Variants in TANK observed in about 807,000 individuals in gnomAD.
TANK encodes TRAF family member associated NFKB activator.
In TANK, 15 loss-of-function variants were observed where a neutral mutation model predicts 43.6. That is an observed-to-expected ratio of 0.34 (90% confidence interval 0.23 to 0.53). The LOEUF is 0.53. Ranked by LOEUF, TANK falls within the 20% of genes least tolerant of loss-of-function variation. The pLI is 0.94. For synonymous variants in TANK, 162 were observed against 178.2 expected (o/e 0.91, Z 0.73); for missense variants, 417 against 498.6 (o/e 0.84, Z 1.56).
At chr2:161,215,186 C>T (rs1216629303) in intron 4 of TANK, among the ~76,000 whole-genome samples, 1 of 152,100 alleles carries the variant, frequency 6.6e-6, no homozygotes, top group South Asian at 2.1e-4. Flanking sequence ...GGATCCTGGA[C>T]CATATTTTGA....
chr2:161,147,621 T>C (rs1227345763), intron 1 of TANK, among the ~76,000 whole-genome samples: 2 of 152,154 alleles, frequency 1.3e-5, no homozygotes, highest in Non-Finnish European at 2.9e-5. Context: ...TCTTCCTTCC[T>C]CTCCGAGGGT....
Position 161,194,899 on chromosome 2 carries a change from G to A in TANK, c.100-8588G>A, listed in dbSNP as rs2161845. ...TATACTCTATCCAAAGTGTTGATGG[G>A]GTAAAGCAGTTCATTCTGGTTTTTT... On this transcript the variant is annotated intron_variant, in intron 2 of 7. Coordinates refer to ENST00000392749, the MANE Select transcript of TANK (RefSeq NM_001199135.3). 3.5e-3 allele frequency among the ~76,000 whole-genome samples: 538 copies of A among 151,928 alleles called. 9 individuals carry two copies. Among genetic ancestry groups the A allele is most frequent in the South Asian group, 0.02 (95 of 4,818 alleles).
At chr2:161,180,071 C>A in intron 2 of TANK, 2 of 1,024,956 alleles carry the variant, frequency 2.0e-6, no homozygotes, top group Non-Finnish European at 2.3e-6. Context: ...ACTATAAAAA[C>A]AGTTTTATGA....
intron 4 of TANK, chr2:161,207,676 GGCCTA>G (rs1195045900): frequency 1.2e-5 from 12 of 985,130 alleles, no homozygotes; most frequent in African/African-American, 1.7e-5. Flanking sequence ...ATGTTCCATT[GGCCTA>G]TGTGTTGATC....
At chr2:161,160,752 G>A (rs758985172) in intron 1 of TANK, 1 of 564,870 alleles carries the variant, frequency 1.8e-6, no homozygotes, top group Non-Finnish European at 3.4e-6. Flanking sequence ...CTGCCCCAAC[G>A]GCTTCAAGGG....
intron 7 of TANK, among the ~76,000 whole-genome samples, chr2:161,235,120 C>T (rs987835834): frequency 6.6e-6 from 1 of 152,144 alleles, no homozygotes; most frequent in African/African-American, 2.4e-5. Context: ...AAATGCATGA[C>T]TGTGTGTGTC....
intron 1 of TANK, among the ~76,000 whole-genome samples, chr2:161,154,163 T>G (rs1042493097): frequency 6.6e-6 from 1 of 152,174 alleles, no homozygotes; most frequent in Non-Finnish European, 1.5e-5. Flanking sequence ...GCCCACAGTC[T>G]TAACCTAGAA....
chr2:161,181,745 T>C (rs1442137572), intron 2 of TANK, among the ~76,000 whole-genome samples: 4 of 152,074 alleles, frequency 2.6e-5, no homozygotes, highest in African/African-American at 9.7e-5. Flanking sequence ...CCCCCAATAT[T>C]GGGAATTAAA....
rs1456835783 is a variant in TANK at position 161,179,826 on chromosome 2, A to C, written c.99+65A>C. 3 of 1,533,082 alleles carry C rather than the reference A, an allele frequency of 2.0e-6. No homozygotes were observed. In the African/African-American group the frequency reaches 4.2e-5, roughly 21 times the overall value. The allele number at this position is 1,533,082 out of a possible 1,614,324, so 95.0% of individuals were successfully genotyped here. On this transcript the variant is annotated intron_variant, in intron 2 of 7. Coordinates refer to ENST00000392749, the MANE Select transcript of TANK (RefSeq NM_001199135.3). ...TACATGGAATTTTAGAGCCTTTTGC[A>C]TCTGAAAAATGTTATATTGTTAGAA...
At chr2:161,234,225 C>T (rs1419938154) in intron 7 of TANK, among the ~76,000 whole-genome samples, 1 of 152,096 alleles carries the variant, frequency 6.6e-6, no homozygotes, top group East Asian at 1.9e-4. Flanking sequence ...GATTGGTTAA[C>T]CAGAATGAAA....
chr2:161,186,720 ACAAT>A (rs1392689896), intron 2 of TANK, among the ~76,000 whole-genome samples: 2 of 152,248 alleles, frequency 1.3e-5, no homozygotes, highest in African/African-American at 2.4e-5. Context: ...AACAAAAGAA[ACAAT>A]CAACAAAGTA....
upstream of TANK, among the ~76,000 whole-genome samples, chr2:161,158,145 G>A (rs1485753869): frequency 2.0e-5 from 3 of 152,202 alleles, no homozygotes; most frequent in African/African-American, 7.2e-5. Flanking sequence ...CTCCCAAAGT[G>A]TTAGGATTAT....
intron 1 of TANK, among the ~76,000 whole-genome samples, chr2:161,145,535 G>A (rs1683885950): frequency 6.6e-6 from 1 of 151,828 alleles, no homozygotes. Flanking sequence ...GCCAGGTAGT[G>A]ATGAAATCCC....
At chr2:161,166,052 G>A (rs1684665179) in intron 1 of TANK, among the ~76,000 whole-genome samples, 1 of 152,218 alleles carries the variant, frequency 6.6e-6, no homozygotes, top group Non-Finnish European at 1.5e-5. Context: ...AAATCTTTTA[G>A]CTCTTGCAAG....
At position 161,230,833 on chromosome 2, in the gene TANK, A is replaced by G. The variant is rs2105405785; in HGVS notation, c.521-138A>G. 4.3e-6 allele frequency: 3 copies of G among 701,804 alleles called. 1 individual carries two copies. Among genetic ancestry groups the G allele is most frequent in the Non-Finnish European group, 7.1e-6 (3 of 420,584 alleles). The allele number at this position is 701,804 out of a possible 1,614,324, so 43.5% of individuals were successfully genotyped here. A position where few individuals can be genotyped will look rare whatever the true frequency, so the allele number is the denominator to read the frequency against. On this transcript the variant is annotated intron_variant, in intron 6 of 7. Transcript: ENST00000392749. ...TAATATTCTGTGTAAGATGGTAGCA[A>G]ATTTTAAAATCCCAGTTGTCTTCAT...
At chr2:161,169,783 A>G (rs1684861718) in intron 1 of TANK, among the ~76,000 whole-genome samples, 1 of 152,186 alleles carries the variant, frequency 6.6e-6, no homozygotes, top group Non-Finnish European at 1.5e-5. Flanking sequence ...ACCTAGGTTT[A>G]TCTGGTTCTT....
At chr2:161,205,198 C>T (rs549160354) in intron 4 of TANK, among the ~76,000 whole-genome samples, 22 of 152,038 alleles carry the variant, frequency 1.4e-4, no homozygotes, top group Non-Finnish European at 2.8e-4. Flanking sequence ...GAATGGCACA[C>T]GCCTGCAGTC....
At chr2:161,152,204 C>A (rs1431529827) in intron 1 of TANK, among the ~76,000 whole-genome samples, 2 of 152,018 alleles carry the variant, frequency 1.3e-5, no homozygotes, top group Non-Finnish European at 2.9e-5. Flanking sequence ...ATACAATTAT[C>A]CTAGCTTTAA....
At chr2:161,195,191 G>A (rs1457321301) in intron 2 of TANK, among the ~76,000 whole-genome samples, 3 of 152,142 alleles carry the variant, frequency 2.0e-5, no homozygotes, top group Non-Finnish European at 2.9e-5. Flanking sequence ...ATATTGAGCA[G>A]CTACTATGTA....
Sources: allele counts gnomAD v4.1 joint callset (sites outside exome capture counted in the v4.1 genomes callset), GRCh38; gene constraint gnomAD v4.1.1; transcripts MANE v1.5; gene names NCBI Gene and HGNC (gene_info 2026-07-23, HGNC 2026-07-21).